STS: variants seen among roughly 807,000 people sequenced by gnomAD.
STS encodes steroid sulfatase, also known as steryl-sulfatase.
In STS, 7 loss-of-function variants were observed where a neutral mutation model predicts 26.8. That is an observed-to-expected ratio of 0.26 (90% CI 0.15 to 0.49). STS has a LOEUF of 0.49. Among genes scored for constraint, STS ranks in the 20% least tolerant of loss-of-function variants. The probability of loss-of-function intolerance (pLI) is 0.98; values close to 1 mark genes in which losing one functional copy is unlikely to be tolerated. For missense variants in STS, 434 were observed against 465.6 expected (o/e 0.93, Z 0.63); for synonymous variants, 199 against 189.4 (o/e 1.05, Z -0.42).
intron 10 of STS, among the ~76,000 whole-genome samples, chrX:7,343,628 G>A (rs1425980237): frequency 3.6e-5 from 4 of 111,646 alleles, no homozygotes; most frequent in African/African-American, 9.8e-5. Flanking sequence ...TGCAGAGCTC[G>A]GGGTTGAACC....
At position 7,325,384 on chromosome X, in the gene STS, T is replaced by C; in HGVS notation, c.1127T>C (p.Ile376Thr). The C allele has an allele frequency of 4.1e-6, 5 of 1,211,466 alleles. No homozygotes were observed. The highest frequency in any genetic ancestry group is 5.6e-6 in the Non-Finnish European group (5 of 895,344). The change falls in exon 9 of 11, where the codon ATC becomes ACC. Residue 376 changes from isoleucine (I) to threonine (T), a missense_variant. By Grantham distance (89) the Ile-to-Thr change is moderately conservative. Coordinates refer to ENST00000674429, the MANE Select transcript of STS (RefSeq NM_001320752.2). ...NWEGGIRVPG[I>T]LRWPRVIQAG... ...GAAGGAGGTATCCGGGTTCCAGGCA[T>C]CCTTCGTTGGCCCAGGGTGATACAG...
At chrX:7,284,370 G>A (rs1408535511) in intron 7 of STS, among the ~76,000 whole-genome samples, 2 of 111,704 alleles carry the variant, frequency 1.8e-5, no homozygotes, top group African/African-American at 6.5e-5. Context: ...TTAGCTCAAT[G>A]GCATTAAGGC....
chrX:7,254,304 T>C (rs1418498204), intron 3 of STS, among the ~76,000 whole-genome samples: 1 of 112,164 alleles, frequency 8.9e-6, no homozygotes, highest in Non-Finnish European at 1.9e-5. Flanking sequence ...CAGAAGTGGG[T>C]GTTTTGTTTC....
In STS at chrX:7,352,279, T is replaced by C. The variant is rs1324233197; in HGVS notation, c.*2018T>C. The C allele has an allele frequency of 2.7e-5, 3 of 112,519 alleles. No individual in the cohort carries two copies. The highest frequency in any genetic ancestry group is 5.6e-5 in the Non-Finnish European group (3 of 53,328). The allele number at this position is 112,519 out of a possible 1,213,427, so 9.3% of individuals were successfully genotyped here. The stretch of plus-strand genomic sequence containing the variant: ...TTGATGATGTGGAAATGCTGCAGGA[T>C]TAAATAACTTGAAGAGCCTTTATAG... On this transcript the variant is annotated 3_prime_UTR_variant, in exon 11 of 11. Coordinates refer to ENST00000674429, the MANE Select transcript of STS (RefSeq NM_001320752.2).
At chrX:7,287,067 T>C (rs1281013749) in intron 7 of STS, among the ~76,000 whole-genome samples, 4 of 111,508 alleles carry the variant, frequency 3.6e-5, no homozygotes, top group Non-Finnish European at 7.5e-5. Flanking sequence ...GCTCGCTGAC[T>C]GTCCCAGAGT....
At position 7,304,996 on chromosome X, in the gene STS, T is replaced by C. The variant is rs377671871; in HGVS notation, c.944-50T>C. On this transcript the variant is annotated intron_variant, in intron 7 of 10. Transcript: ENST00000674429. ...CACTGAGTAGGGCAACCATCTCCAT[T>C]TGCTTTATGAATATGCATTATTTTT... is the stretch of plus-strand genomic sequence containing the variant. 4.2e-6 allele frequency: 5 copies of C among 1,200,247 alleles called. No individual in the cohort carries two copies. The African/African-American group carries it at 7.0e-5, about 17-fold the overall frequency.
chrX:7,249,434 TATC>T (rs1473839379), intron 2 of STS, among the ~76,000 whole-genome samples: 1 of 111,559 alleles, frequency 9.0e-6, no homozygotes, highest in African/African-American at 3.3e-5. Flanking sequence ...TCAGTATCCT[TATC>T]ATCAGCCACC....
chrX:7,262,526 A>G (rs1973910449), intron 6 of STS, among the ~76,000 whole-genome samples: 1 of 112,272 alleles, frequency 8.9e-6, no homozygotes, highest in African/African-American at 3.2e-5. Flanking sequence ...TTCCTACTGC[A>G]AACAGTGATT....
intron 2 of STS, among the ~76,000 whole-genome samples, chrX:7,201,104 GGAT>G (rs1934063504): frequency 9.0e-6 from 1 of 110,904 alleles, no homozygotes; most frequent in Non-Finnish European, 1.9e-5. Context: ...ATGGCTACAT[GGAT>G]GATAGACAGA....
chrX:7,300,320 C>T (rs1042401633), intron 7 of STS, among the ~76,000 whole-genome samples: 3 of 112,018 alleles, frequency 2.7e-5, no homozygotes, highest in Non-Finnish European at 3.8e-5. Flanking sequence ...AGCTCACCAT[C>T]GGCAATTCAA....
At chrX:7,168,569 T>G (rs746135135) in intron 1 of STS, among the ~76,000 whole-genome samples, 1 of 111,595 alleles carries the variant, frequency 9.0e-6, no homozygotes. Flanking sequence ...TGGGCAGGTT[T>G]CTGGGAATGG....
chrX:7,253,695 G>A (rs1205178561), intron 3 of STS, among the ~76,000 whole-genome samples: 1 of 111,665 alleles, frequency 9.0e-6, no homozygotes, highest in Non-Finnish European at 1.9e-5. Context: ...GGTTGGTTAT[G>A]GGTCTGTACT....
chrX:7,250,937 C>A (rs1335036608), intron 2 of STS, among the ~76,000 whole-genome samples: 3 of 112,317 alleles, frequency 2.7e-5, no homozygotes, highest in African/African-American at 9.7e-5. Context: ...AGAAGTGGCA[C>A]CAGGCCAGGA....
rs566902685 is a variant in STS, at chrX:7,284,656, A to T, written c.943+8569A>T. Reference sequence around the variant, plus strand: ...ACATGCGCTTCATAGAGTTCAAATAAAGATAAATAAATAGAGCATAGAGCC... The same window carrying T: ...ACATGCGCTTCATAGAGTTCAAATATAGATAAATAAATAGAGCATAGAGCC... On this transcript the variant is annotated intron_variant, in intron 7 of 10. Transcript: ENST00000674429. Among the ~76,000 whole-genome samples, 4 of 112,386 alleles carry T rather than the reference A, an allele frequency of 3.6e-5. No individual in the cohort carries two copies. In the South Asian group the frequency reaches 1.5e-3, roughly 42 times the overall value.
intron 3 of STS, among the ~76,000 whole-genome samples, chrX:7,255,836 C>T (rs1485620555): frequency 2.7e-5 from 3 of 112,280 alleles, no homozygotes; most frequent in African/African-American, 9.7e-5. Context: ...TTTGACATTA[C>T]AGATGCAATA....
intron 1 of STS, among the ~76,000 whole-genome samples, chrX:7,162,883 A>G (rs1395344284): frequency 2.0e-5 from 1 of 50,352 alleles, no homozygotes; most frequent in Non-Finnish European, 4.2e-5. Flanking sequence ...CGTCTATACT[A>G]AAAAAAAAAA....
At chrX:7,323,383 C>T (rs1174126443) in intron 8 of STS, among the ~76,000 whole-genome samples, 2 of 110,693 alleles carry the variant, frequency 1.8e-5, no homozygotes, top group African/African-American at 3.3e-5. Flanking sequence ...CTCCCTCTTT[C>T]CCCCCTAGTA....
Position 7,350,146 on chromosome X carries a change from A to G in STS, c.1622A>G (p.Asp541Gly). The G allele has an allele frequency of 6.6e-6, 8 of 1,211,768 alleles. No homozygotes were observed. The highest frequency in any genetic ancestry group is 7.8e-6 in the Non-Finnish European group (7 of 895,351). ...ACCCAGACCCTGCCAGAGGTGCCCGATCAGTTTTCATGGAACAACTTTCTT... is the reference window on the plus strand; with the variant it reads ...ACCCAGACCCTGCCAGAGGTGCCCGGTCAGTTTTCATGGAACAACTTTCTT... ...RHTQTLPEVP[D>G]QFSWNNFLWK... Residue 541 changes from aspartate to glycine, a missense_variant, in exon 11 of 11, where the codon GAT (aspartate) becomes GGT (glycine). Around this residue, in one of 2 missense-constraint regions of STS, gnomAD observed 205 missense variants for 177.3 expected, o/e 1.16. Coordinates refer to ENST00000674429, the MANE Select transcript of STS (RefSeq NM_001320752.2).
At chrX:7,321,515 G>T (rs935473553) in intron 8 of STS, among the ~76,000 whole-genome samples, 2 of 111,924 alleles carry the variant, frequency 1.8e-5, no homozygotes, top group Non-Finnish European at 3.8e-5. Flanking sequence ...GCAATAAAAG[G>T]AGGCATTCCT....
Sources: gnomAD v4.1 joint callset for allele counts (sites outside exome capture counted in the v4.1 genomes callset) on GRCh38, gnomAD v4.1.1 for gene constraint, gnomAD v4.1.1 regional missense constraint, MANE v1.5 for transcripts, NCBI Gene and HGNC (gene_info 2026-07-23, HGNC 2026-07-21) for gene names.